Variants in FAM234B observed in about 807,000 individuals in gnomAD.
The protein encoded by FAM234B is protein FAM234B.
In FAM234B, 33 loss-of-function variants were observed where a neutral mutation model predicts 69.3. That is an observed-to-expected ratio of 0.48 (90% CI 0.36 to 0.64). The LOEUF (loss-of-function observed/expected upper bound fraction) is 0.64. Ranked by LOEUF, FAM234B falls within the 30% of genes least tolerant of loss-of-function variation. FAM234B has a pLI of 0.00. For synonymous variants in FAM234B, 306 were observed against 306.9 expected (o/e 1.00, Z 0.03); for missense variants, 697 against 769.7 (o/e 0.91, Z 1.12).
At chr12:13,045,919 C>G (rs1406598397) in intron 1 of FAM234B, among the ~76,000 whole-genome samples, 1 of 151,444 alleles carries the variant, frequency 6.6e-6, no homozygotes, top group Non-Finnish European at 1.5e-5. Flanking sequence ...GAAAATCTTG[C>G]TTTAGCAACT....
chr12:13,049,219 G>A (rs1157709740), intron 1 of FAM234B, among the ~76,000 whole-genome samples: 3 of 152,246 alleles, frequency 2.0e-5, no homozygotes, highest in African/African-American at 4.8e-5. Flanking sequence ...TTGTTCTGTC[G>A]CCCAGGCTGG....
intron 10 of FAM234B, 57 bp downstream of exon 10, chr12:13,071,453 G>A: frequency 6.7e-7 from 1 of 1,487,928 alleles, no homozygotes; most frequent in Non-Finnish European, 9.4e-7. Context: ...CTGCTGTGCA[G>A]GGCTGACTGT....
intron 5 of FAM234B, among the ~76,000 whole-genome samples, chr12:13,065,548 A>G (rs1170404585): frequency 6.6e-6 from 1 of 152,234 alleles, no homozygotes; most frequent in African/African-American, 2.4e-5. Flanking sequence ...GTAATCAGCT[A>G]AAGTACCTAT....
At chr12:13,063,073 G>T in intron 5 of FAM234B, 98 bp downstream of exon 5, 1 of 1,386,772 alleles carries the variant, frequency 7.2e-7, no homozygotes, top group Admixed American at 1.9e-5. Flanking sequence ...TGCTTGAAAT[G>T]TTCTTTTTAC....
chr12:13,047,277 T>A (rs1055544520), intron 1 of FAM234B, among the ~76,000 whole-genome samples: 1 of 151,742 alleles, frequency 6.6e-6, no homozygotes, highest in Admixed American at 6.6e-5. Context: ...TATATATATA[T>A]TTTTTTTCTT....
rs902096612 is a variant in FAM234B at position 13,055,955 on chromosome 12, C to T, written c.433+9C>T. The T allele has an allele frequency of 1.6e-5, 24 of 1,541,350 alleles. No individual in the cohort carries two copies. The highest frequency in any genetic ancestry group is 9.0e-5 in the East Asian group (4 of 44,218). On this transcript the variant is annotated intron_variant, in intron 2 of 12. Transcript: ENST00000197268. The stretch of plus-strand genomic sequence containing the variant: ...CTTGGGCTCCCAGGGAGGTGAGCTG[C>T]AGAATCTTCAGCCCTAATCCTGTGA...
At position 13,058,498 on chromosome 12, in the gene FAM234B, C is replaced by T. The variant is rs1322005131; in HGVS notation, c.481C>T (p.Leu161=). The change falls in exon 3 of 13, where the codon CTG becomes TTG. Residue 161 remains leucine, a synonymous_variant. Coordinates refer to ENST00000197268, the MANE Select transcript of FAM234B (RefSeq NM_020853.2). Reference sequence around the variant, plus strand: ...ATTGGCTGATGTGAATGGAGATGGCCTGCGTGATGTGCTTCTCTCCTTTGT... The same window carrying T: ...ATTGGCTGATGTGAATGGAGATGGCTTGCGTGATGTGCTTCTCTCCTTTGT... The part of the protein sequence containing the change: ...LELADVNGDG[L]RDVLLSFVMS... 6.2e-7 allele frequency: 1 copy of T among 1,613,994 alleles called. No individual in the cohort carries two copies. Among genetic ancestry groups the T allele is most frequent in the Admixed American group, 1.7e-5 (1 of 59,986 alleles).
rs4763927 is a variant in FAM234B at position 13,081,142 on chromosome 12, A to G, written c.*512A>G. 2,531 of 152,622 alleles carry G rather than the reference A, an allele frequency of 0.017. 170 individuals are homozygous for G. Among genetic ancestry groups the G allele is most frequent in the Admixed American group, 0.11 (1,643 of 15,292 alleles). 9.5% of individuals were successfully genotyped at this position (152,622 alleles called of 1,614,324 possible). ...TGCCCTACCTCTGATGTTGAGGGCC[A>G]CTTATTTCTCTCCTTATTCTTTCCC... On this transcript the variant is annotated 3_prime_UTR_variant, in exon 13 of 13. Coordinates refer to ENST00000197268, the MANE Select transcript of FAM234B (RefSeq NM_020853.2).
rs1358832540 is a variant in FAM234B at position 13,079,775 on chromosome 12, T to A, written c.1643-14T>A. On this transcript the variant is annotated splice_polypyrimidine_tract_variant and intron_variant, in intron 11 of 12. Transcript: ENST00000197268. ...GTGTCCATGTTAACTGCTCTTGTTT[T>A]TGTCCTTCCTCAGTTGGAATTAACG... The A allele has an allele frequency of 6.4e-7, 1 of 1,573,398 alleles. No individual in the cohort carries two copies. Among genetic ancestry groups the A allele is most frequent in the African/African-American group, 1.4e-5 (1 of 74,020 alleles).
In FAM234B at chr12:13,066,711, C is replaced by A. The variant is rs770000113; in HGVS notation, c.924C>A (p.Ile308=). 2 of 1,613,962 alleles carry A rather than the reference C, an allele frequency of 1.2e-6. No individual in the cohort carries two copies. Among genetic ancestry groups the A allele is most frequent in the African/African-American group, 1.3e-5 (1 of 74,904 alleles). The change falls in exon 6 of 13, where the codon ATC becomes ATA. Residue 308 remains isoleucine, a synonymous_variant. Transcript: ENST00000197268. ...TGGGTCGACCTGTGAAGTACAACAT[C>A]GTTGGAGTTGGGAATCTGATTGGTC... ...NPVGRPVKYN[I]VGVGNLIGPQ...
chr12:13,071,593 C>T (rs1865108059), intron 10 of FAM234B, among the ~76,000 whole-genome samples, 197 bp downstream of exon 10: 1 of 152,124 alleles, frequency 6.6e-6, no homozygotes, highest in Admixed American at 6.5e-5. Context: ...AGAGAATGTG[C>T]AAGCTGACAA....
At chr12:13,056,015 C>G in intron 2 of FAM234B, 69 bp downstream of exon 2, 1 of 1,430,762 alleles carries the variant, frequency 7.0e-7, no homozygotes, top group Admixed American at 2.6e-5. Context: ...TTTAAATTTT[C>G]CTCCAAATCT....
chr12:13,069,835 A>C (rs989187022), intron 9 of FAM234B, among the ~76,000 whole-genome samples: 4 of 152,216 alleles, frequency 2.6e-5, no homozygotes, highest in African/African-American at 4.8e-5. Flanking sequence ...GAGGACAGAT[A>C]CATTGATAAA....
At position 13,059,290 on chromosome 12, in the gene FAM234B, G is replaced by A. The variant is rs1450485031; in HGVS notation, c.532+741G>A. The stretch of plus-strand genomic sequence containing the variant: ...TTTCCTTTTCTGGATTCCAGTAATT[G>A]CGTCCTCTCCTTGTGTCTTTGTTGG... On this transcript the variant is annotated intron_variant, in intron 3 of 12. Coordinates refer to ENST00000197268, the MANE Select transcript of FAM234B (RefSeq NM_020853.2). Among the ~76,000 whole-genome samples, 9 of 152,308 alleles carry A rather than the reference G, an allele frequency of 5.9e-5. No individual in the cohort carries two copies. In the South Asian group the frequency reaches 1.9e-3, roughly 32 times the overall value.
chr12:13,079,726 C>T (rs1317505974), intron 11 of FAM234B, 63 bp from the exon 12 acceptor site: 5 of 995,740 alleles, frequency 5.0e-6, no homozygotes, highest in South Asian at 4.2e-5. Context: ...TGAACCAAAC[C>T]CCTCTCCTGT....
Position 13,082,973 on chromosome 12 carries a change from A to G in FAM234B, c.*2343A>G, listed in dbSNP as rs935422081. 6.6e-6 allele frequency: 1 copy of G among 152,212 alleles called. No homozygotes were observed. The highest frequency in any genetic ancestry group is 6.5e-5 in the Admixed American group (1 of 15,286). 9.4% of individuals were successfully genotyped at this position (152,212 alleles called of 1,614,324 possible). A position where few individuals can be genotyped will look rare whatever the true frequency, so the allele number is the denominator to read the frequency against. On this transcript the variant is annotated 3_prime_UTR_variant, in exon 13 of 13. Coordinates refer to ENST00000197268, the MANE Select transcript of FAM234B (RefSeq NM_020853.2). The stretch of plus-strand genomic sequence containing the variant: ...GAATCTCTCCTTGCCAAACAACATT[A>G]TAAGTTTAGTTTTCTTCTTCCTCTT...
chr12:13,050,220 C>A (rs1169494118), intron 1 of FAM234B, among the ~76,000 whole-genome samples: 1 of 152,130 alleles, frequency 6.6e-6, no homozygotes, highest in Non-Finnish European at 1.5e-5. Flanking sequence ...TTTGTCCTGC[C>A]TTGGATATTG....
chr12:13,055,930 C>G lies in FAM234B; in HGVS notation c.417C>G (p.His139Gln). Residue 139 changes from histidine to glutamine, a missense_variant, in exon 2 of 13, where the codon CAC (histidine) becomes CAG (glutamine). Transcript: ENST00000197268. ...PRDLHSTWSR[H>Q]LGSQGGGDLS... ...ATCTGCACAGCACCTGGAGCCGCCACTTGGGCTCCCAGGGAGGTGAGCTGC... is the reference window on the plus strand; with the variant it reads ...ATCTGCACAGCACCTGGAGCCGCCAGTTGGGCTCCCAGGGAGGTGAGCTGC... 1 of 1,567,664 alleles carries G rather than the reference C, an allele frequency of 6.4e-7. No individual in the cohort carries two copies. The highest frequency in any genetic ancestry group is 8.7e-7 in the Non-Finnish European group (1 of 1,155,714).
At chr12:13,049,823 C>T (rs973121662) in intron 1 of FAM234B, among the ~76,000 whole-genome samples, 7 of 152,136 alleles carry the variant, frequency 4.6e-5, no homozygotes, top group African/African-American at 7.2e-5. Flanking sequence ...TGTTATGTTT[C>T]GTTGTTACTT....
Sources: allele counts gnomAD v4.1 joint callset (sites outside exome capture counted in the v4.1 genomes callset), GRCh38; gene constraint gnomAD v4.1.1; transcripts MANE v1.5; gene names NCBI Gene and HGNC (gene_info 2026-07-23, HGNC 2026-07-21).